Variants in CKAP5 observed in about 807,000 individuals in gnomAD.
CKAP5 encodes the protein cytoskeleton associated protein 5.
Under a neutral mutation model 232.8 loss-of-function variants are expected in CKAP5, and 27 were observed. That is an observed-to-expected ratio of 0.12 (90% CI 0.09 to 0.16). The LOEUF is 0.16. Ranked by LOEUF, CKAP5 falls within the 10% of genes least tolerant of loss-of-function variation. CKAP5 has a pLI of 1.00. For missense variants in CKAP5, 1,838 were observed against 2,424.7 expected, an observed-to-expected ratio of 0.76 and a Z score of 5.08; for synonymous variants, 785 against 841.1, an observed-to-expected ratio of 0.93 and a Z score of 1.16.
chr11:46,825,193 C>T (rs1939624985), intron 1 of CKAP5, among the ~76,000 whole-genome samples: 1 of 152,096 alleles, frequency 6.6e-6, no homozygotes, highest in Non-Finnish European at 1.5e-5. Context: ...GAATAAATTC[C>T]AAATTGTCTG....
At position 46,751,228 on chromosome 11, in the gene CKAP5, T is replaced by G. The variant is rs2134569646; in HGVS notation, c.5350A>C (p.Asn1784His). The G allele has an allele frequency of 6.2e-7, 1 of 1,614,204 alleles. No individual in the cohort carries two copies. The highest frequency in any genetic ancestry group is 1.1e-5 in the South Asian group (1 of 91,082). Residue 1784 changes from asparagine (N) to histidine (H), a missense_variant, in exon 40 of 44, where the codon AAC (asparagine) becomes CAC (histidine). Around this residue, in one of 6 missense-constraint regions of CKAP5, gnomAD observed 579 missense variants for 843.2 expected, o/e 0.69. Transcript: ENST00000529230. ...KILDHLTMID[N>H]KNESELEAHL... ...GCCTCCAGCTCAGACTCGTTTTTGT[T>G]GTCGATCATCGTTAGGTGGTCCAGG...
chr11:46,788,880 A>G, intron 15 of CKAP5, 107 bp from the exon 16 acceptor site: 1 of 764,200 alleles, frequency 1.3e-6, no homozygotes, highest in Non-Finnish European at 2.2e-6. Flanking sequence ...AAGGAGTGGA[A>G]TAGAACTGAG....
intron 13 of CKAP5, 64 bp from the exon 14 acceptor site, chr11:46,790,647 T>A: frequency 8.8e-7 from 1 of 1,132,366 alleles, no homozygotes; most frequent in African/African-American, 1.6e-5. Flanking sequence ...GAGTTTTTTA[T>A]TTTTATTTTT....
intron 32 of CKAP5, 33 bp downstream of exon 32, chr11:46,761,967 G>A (rs534557976): frequency 1.2e-5 from 18 of 1,549,804 alleles, no homozygotes; most frequent in African/African-American, 9.5e-5. Context: ...TTCTTTTCAC[G>A]ACATGCTGAC....
In CKAP5 at chr11:46,809,768, T is replaced by C. The variant is rs1410877948; in HGVS notation, c.737A>G (p.Gln246Arg). Residue 246 changes from glutamine (Q) to arginine (R), a missense_variant, in exon 6 of 44, where the codon CAG becomes CGG. Transcript: ENST00000529230. Reference protein sequence around the residue: ...QELEAKLEQQQSAGGDAEGGG... With the variant: ...QELEAKLEQQRSAGGDAEGGG... ...TCCTTCAGCATCTCCACCAGCAGAC[T>C]GTTGTTGTTCCAATTTAGCTTCTAG... The C allele has an allele frequency of 1.2e-6, 2 of 1,614,080 alleles. No homozygotes were observed. The highest frequency in any genetic ancestry group is 2.2e-5 in the East Asian group (1 of 44,876).
intron 9 of CKAP5, among the ~76,000 whole-genome samples, chr11:46,800,085 C>T (rs1278997548): frequency 1.3e-5 from 2 of 151,656 alleles, no homozygotes; most frequent in Admixed American, 1.3e-4. Context: ...AAATTATTCC[C>T]AATATAAAAG....
chr11:46,746,692 G>A (rs2065024770), intron 42 of CKAP5, among the ~76,000 whole-genome samples: 1 of 152,200 alleles, frequency 6.6e-6, no homozygotes, highest in Non-Finnish European at 1.5e-5. Context: ...AAGTTGCTCT[G>A]GGTGAGTGGT....
chr11:46,786,569 G>A (rs1045963850), intron 16 of CKAP5, among the ~76,000 whole-genome samples: 4 of 152,222 alleles, frequency 2.6e-5, no homozygotes, highest in African/African-American at 9.6e-5. Context: ...TCAGAACTGT[G>A]TAAGTCCATA....
rs200719725 is a variant in CKAP5, at chr11:46,788,811, A to G, written c.1876-38T>C. The stretch of plus-strand genomic sequence containing the variant: ...TAAGAGAATAAGAGTTTAAGGGTTA[A>G]AGGTTACTTCCAAAGGAAGAGTAAA... On this transcript the variant is annotated intron_variant, in intron 15 of 43. Coordinates refer to ENST00000529230, the MANE Select transcript of CKAP5 (RefSeq NM_001008938.4). The G allele has an allele frequency of 3.5e-6, 5 of 1,423,332 alleles. No homozygotes were observed. In the Admixed American group the frequency reaches 9.6e-5, roughly 27 times the overall value. The allele number at this position is 1,423,332 out of a possible 1,614,324, so 88.2% of individuals were successfully genotyped here.
intron 1 of CKAP5, among the ~76,000 whole-genome samples, chr11:46,842,966 CAA>C (rs60343444): frequency 9.9e-4 from 39 of 39,430 alleles, no homozygotes; most frequent in South Asian, 4.5e-3. Context: ...GACTCCGTCT[CAA>C]AAAAAAAAAA....
At chr11:46,811,287 T>G (rs930705450) in intron 4 of CKAP5, 109 bp from the exon 5 acceptor site, 2 of 881,238 alleles carry the variant, frequency 2.3e-6, no homozygotes, top group Admixed American at 6.5e-5. Flanking sequence ...AGAAGAATTA[T>G]ATAAGTTCAG....
Position 46,811,157 on chromosome 11 carries a change from G to C in CKAP5, c.480C>G (p.Ile160Met), listed in dbSNP as rs1565747689. The part of the protein sequence containing the change: ...KALSEFGSKI[I>M]LLKPIIKVLP... Reference sequence around the variant, plus strand: ...ACACTTTGATAATTGGCTTAAGCAAGATGATTTTGGAACCAAATTCACTAC... The same window carrying C: ...ACACTTTGATAATTGGCTTAAGCAACATGATTTTGGAACCAAATTCACTAC... Residue 160 changes from isoleucine to methionine, a missense_variant, in exon 5 of 44, where the codon ATC (isoleucine) becomes ATG (methionine). Physicochemically the swap from Ile to Met is conservative, Grantham distance 10. Transcript: ENST00000529230. The C allele has an allele frequency of 6.2e-7, 1 of 1,612,516 alleles. No individual in the cohort carries two copies. The highest frequency in any genetic ancestry group is 8.5e-7 in the Non-Finnish European group (1 of 1,179,538).
At chr11:46,775,720 G>A (rs1718917707) in intron 24 of CKAP5, among the ~76,000 whole-genome samples, 1 of 151,822 alleles carries the variant, frequency 6.6e-6, no homozygotes, top group Non-Finnish European at 1.5e-5. Context: ...ACTAACATAG[G>A]AACAGAACAC....
chr11:46,799,502 G>A (rs1938976204), intron 9 of CKAP5, among the ~76,000 whole-genome samples: 2 of 152,118 alleles, frequency 1.3e-5, no homozygotes, highest in Non-Finnish European at 1.5e-5. Context: ...CAAAAAGTTT[G>A]TAAACATTTA....
At position 46,821,168 on chromosome 11, in the gene CKAP5, A is replaced by C. The variant is rs2134690756; in HGVS notation, c.57+7T>G. 1.9e-6 allele frequency: 3 copies of C among 1,607,522 alleles called. No individual in the cohort carries two copies. Among genetic ancestry groups the C allele is most frequent in the African/African-American group, 1.3e-5 (1 of 74,890 alleles). ...ACACTGAAAATCGAATTCCAGAAGA[A>C]TCTTACCTTGTGTTCACATTTCTGA... On this transcript the variant is annotated splice_region_variant and intron_variant, in intron 2 of 43. Coordinates refer to ENST00000529230, the MANE Select transcript of CKAP5 (RefSeq NM_001008938.4).
intron 1 of CKAP5, among the ~76,000 whole-genome samples, chr11:46,844,426 A>C (rs1416041427): frequency 6.6e-6 from 1 of 152,152 alleles, no homozygotes; most frequent in Non-Finnish European, 1.5e-5. Context: ...AAACAAACAA[A>C]CAAACAAACA....
In CKAP5 at chr11:46,819,640, G is replaced by T. The variant is rs191994139; in HGVS notation, c.58-1137C>A. Among the ~76,000 whole-genome samples the T allele has an allele frequency of 2.8e-3, 420 of 152,194 alleles. 2 individuals carry two copies. The highest frequency in any genetic ancestry group is 9.6e-3 in the African/African-American group (398 of 41,534). ...TTTACATGTTATTTGTTTAATGTAA[G>T]TAAAAATGTAATTGAAAATGTAATT... On this transcript the variant is annotated intron_variant, in intron 2 of 43. Coordinates refer to ENST00000529230, the MANE Select transcript of CKAP5 (RefSeq NM_001008938.4).
In CKAP5 at chr11:46,808,094, T is replaced by A; in HGVS notation, c.915A>T (p.Val305=). The A allele has an allele frequency of 6.2e-7, 1 of 1,614,080 alleles. No individual in the cohort carries two copies. Among genetic ancestry groups the A allele is most frequent in the Non-Finnish European group, 8.5e-7 (1 of 1,179,974 alleles). ...ERKEALESVE[V]LIKNPKLEAG... ...CTTCCAGTTTGGGGTTTTTTATTAG[T>A]ACTTCTACAGACTCCAGGGCCTCTT... The change falls in exon 8 of 44, where the codon GTA becomes GTT. Residue 305 remains valine (V), a synonymous_variant. Transcript: ENST00000529230.
At chr11:46,806,153 G>T (rs1366486123) in intron 8 of CKAP5, among the ~76,000 whole-genome samples, 1 of 152,044 alleles carries the variant, frequency 6.6e-6, no homozygotes, top group South Asian at 2.1e-4. Context: ...TGCTACCCTA[G>T]ATCTCTCAGA....
Sources: allele counts gnomAD v4.1 joint callset (sites outside exome capture counted in the v4.1 genomes callset), GRCh38; gene constraint gnomAD v4.1.1; regional missense constraint gnomAD v4.1.1; transcripts MANE v1.5; gene names NCBI Gene and HGNC (gene_info 2026-07-23, HGNC 2026-07-21).